MED24: variants seen among roughly 807,000 people sequenced by gnomAD.
The protein encoded by MED24 is mediator of RNA polymerase II transcription subunit 24.
A neutral mutation model predicts 118.8 loss-of-function variants in MED24; 74 were observed. That is an observed-to-expected ratio of 0.62 (90% CI 0.52 to 0.76). MED24 has a LOEUF of 0.76. MED24 is among the 30% of genes least tolerant of loss of function. The probability of loss-of-function intolerance (pLI) is 0.00; values close to 1 mark genes in which losing one functional copy is unlikely to be tolerated. For synonymous variants in MED24, 521 were observed against 523.9 expected (o/e 0.99, Z 0.08); for missense variants, 1,041 against 1,278.9 (o/e 0.81, Z 2.84).
chr17:40,027,367 C>A lies in MED24; in HGVS notation c.1530+16G>T. 5 of 1,609,176 alleles carry A rather than the reference C, an allele frequency of 3.1e-6. No homozygotes were observed. The South Asian group carries it at 5.5e-5, about 18-fold the overall frequency. ...CCTTCCCTTGAGCCCCCGTCCCGGT[C>A]GCTCCCCTCTCTCACCTCTGAACCA... On this transcript the variant is annotated intron_variant, in intron 16 of 25. Coordinates refer to ENST00000394128, the MANE Select transcript of MED24 (RefSeq NM_014815.4).
intron 15 of MED24, 49 bp downstream of exon 15, chr17:40,027,860 A>AC (rs777629143): frequency 1.3e-6 from 2 of 1,592,054 alleles, no homozygotes; most frequent in African/African-American, 2.7e-5. Flanking sequence ...CTCCCGCCAC[A>AC]CCCCTCCTCA....
At chr17:40,026,559 G>T (rs1982673776) in intron 18 of MED24, 88 bp downstream of exon 18, 2 of 1,303,662 alleles carry the variant, frequency 1.5e-6, no homozygotes, top group South Asian at 1.3e-5. Context: ...TGGATTAAAG[G>T]TCTTCTTGCC....
At position 40,019,199 on chromosome 17, in the gene MED24, CACACAT is replaced by C; in HGVS notation, c.*324_*329del. ...AAACACACACACACACACACACACACACACATACACACTTTGCATCTAGAAAGTTCC... is the reference window on the plus strand; with the variant it reads ...AAACACACACACACACACACACACACACACACTTTGCATCTAGAAAGTTCC... On this transcript the variant is annotated 3_prime_UTR_variant, in exon 26 of 26. Coordinates refer to ENST00000394128, the MANE Select transcript of MED24 (RefSeq NM_014815.4). 7 of 292,628 alleles carry C rather than the reference CACACAT, an allele frequency of 2.4e-5. No homozygotes were observed. Among genetic ancestry groups the C allele is most frequent in the African/African-American group, 1.3e-4 (6 of 45,222 alleles). 18.1% of individuals were successfully genotyped at this position (292,628 alleles called of 1,614,324 possible).
At chr17:40,042,173 C>A (rs574923284) in intron 3 of MED24, among the ~76,000 whole-genome samples, 55 of 152,202 alleles carry the variant, frequency 3.6e-4, no homozygotes, top group Non-Finnish European at 6.6e-4. Context: ...CCACAAATGT[C>A]CCTAATTAAT....
chr17:40,053,419 A>G (rs1438416305), intron 2 of MED24, 39 bp from the exon 3 acceptor site: 2 of 1,613,428 alleles, frequency 1.2e-6, no homozygotes, highest in Non-Finnish European at 1.7e-6. Flanking sequence ...AGTGATTACA[A>G]CTTCTCTGGG....
intron 1 of MED24, chr17:40,053,848 C>A (rs1260110794): frequency 1.4e-5 from 9 of 658,312 alleles, no homozygotes; most frequent in Admixed American, 2.9e-5. Context: ...AAGAAAGTAT[C>A]GGCCGAGCGC....
chr17:40,023,721 C>T, intron 19 of MED24: 1 of 271,138 alleles, frequency 3.7e-6, no homozygotes, highest in Non-Finnish European at 7.0e-6. Flanking sequence ...CCCTGCCAAC[C>T]TGCCACATAA....
chr17:40,022,896 C>A, intron 20 of MED24, 70 bp from the exon 21 acceptor site: 1 of 1,548,368 alleles, frequency 6.5e-7, no homozygotes, highest in Non-Finnish European at 8.8e-7. Flanking sequence ...ACCCTGCCAC[C>A]CCAGCATGGC....
rs151012400 is a variant in MED24, at chr17:40,023,160, C to G, written c.2221G>C (p.Val741Leu). Residue 741 changes from valine (V) to leucine (L), a missense_variant, in exon 20 of 26, where the codon GTC becomes CTC. Val to Leu is a conservative substitution (Grantham distance 32). Coordinates refer to ENST00000394128, the MANE Select transcript of MED24 (RefSeq NM_014815.4). Reference sequence around the variant, plus strand: ...ATCAGGTTGTTGCAGAACCAGTAGACGCCGCCCATGTGCAGCAGGGTGTCA... The same window carrying G: ...ATCAGGTTGTTGCAGAACCAGTAGAGGCCGCCCATGTGCAGCAGGGTGTCA... ...IFDTLLHMGGVYWFCNNLIKE... is the reference protein window; with the variant it reads ...IFDTLLHMGGLYWFCNNLIKE... 6.2e-7 allele frequency: 1 copy of G among 1,613,946 alleles called. No homozygotes were observed. The highest frequency in any genetic ancestry group is 1.1e-5 in the South Asian group (1 of 91,088).
chr17:40,031,588 C>T lies in MED24; in HGVS notation c.1017G>A (p.Glu339=), dbSNP rs1396740505. 1 of 1,614,032 alleles carries T rather than the reference C, an allele frequency of 6.2e-7. No individual in the cohort carries two copies. Among genetic ancestry groups the T allele is most frequent in the African/African-American group, 1.3e-5 (1 of 74,922 alleles). Residue 339 remains glutamate (E), a synonymous_variant, in exon 11 of 26, where the codon GAG becomes GAA. Coordinates refer to ENST00000394128, the MANE Select transcript of MED24 (RefSeq NM_014815.4). ...ACAAGGGGGTGAGCTTCAGCAGGAA[C>T]TCAAAAGCACAGTTGACATCCTCAG... The part of the protein sequence containing the change: ...DFTEDVNCAF[E]FLLKLTPLLD...
chr17:40,029,534 C>T (rs1396693804), intron 13 of MED24, among the ~76,000 whole-genome samples: 1 of 152,170 alleles, frequency 6.6e-6, no homozygotes, highest in Non-Finnish European at 1.5e-5. Flanking sequence ...TAAGTGAAAG[C>T]GCCTACTGCA....
intron 3 of MED24, among the ~76,000 whole-genome samples, chr17:40,039,007 T>C (rs1984258516): frequency 1.3e-5 from 2 of 152,194 alleles, no homozygotes; most frequent in South Asian, 4.1e-4. Flanking sequence ...TTATAACTGA[T>C]GTCCCCATAG....
intron 23 of MED24, 185 bp from the exon 24 acceptor site, chr17:40,020,538 A>G (rs1227413902): frequency 7.1e-7 from 1 of 1,413,014 alleles, no homozygotes; most frequent in African/African-American, 1.4e-5. Context: ...CTGTAATCCC[A>G]GCATTTTGGG....
intron 23 of MED24, among the ~76,000 whole-genome samples, chr17:40,021,672 C>T (rs1982025200): frequency 7.5e-6 from 1 of 133,664 alleles, no homozygotes; most frequent in African/African-American, 2.8e-5. Flanking sequence ...TTGTCATCCC[C>T]TCAACCCTGG....
At chr17:40,042,759 T>A (rs977421403) in intron 3 of MED24, among the ~76,000 whole-genome samples, 1 of 152,096 alleles carries the variant, frequency 6.6e-6, no homozygotes, top group Admixed American at 6.6e-5. Context: ...ATTTAAAATT[T>A]AAGATATGAC....
chr17:40,031,681 G>A, intron 10 of MED24, 61 bp from the exon 11 acceptor site: 1 of 1,503,788 alleles, frequency 6.6e-7, no homozygotes, highest in Admixed American at 1.8e-5. Context: ...ATCATCTCAG[G>A]CAACCTTGTC....
intron 12 of MED24, among the ~76,000 whole-genome samples, chr17:40,030,505 AG>A (rs1983228696): frequency 6.6e-6 from 1 of 151,842 alleles, no homozygotes; most frequent in African/African-American, 2.4e-5. Flanking sequence ...CACGTTGGCC[AG>A]GCTGGTCTCA....
Position 40,028,779 on chromosome 17 carries a change from C to T in MED24, c.1409+47G>A, listed in dbSNP as rs544436832. ...CCTACCCTGCTACCTCCTCCCAACGCGCAGCCTCCCTGCACGCCCTGGGGT... is the reference window on the plus strand; with the variant it reads ...CCTACCCTGCTACCTCCTCCCAACGTGCAGCCTCCCTGCACGCCCTGGGGT... On this transcript the variant is annotated intron_variant, in intron 14 of 25. Coordinates refer to ENST00000394128, the MANE Select transcript of MED24 (RefSeq NM_014815.4). 4.4e-6 allele frequency: 7 copies of T among 1,606,134 alleles called. No homozygotes were observed. In the Admixed American group the frequency reaches 6.7e-5, roughly 15 times the overall value.
intron 14 of MED24, chr17:40,028,202 G>A (rs920127375): frequency 1.5e-5 from 6 of 413,636 alleles, no homozygotes; most frequent in East Asian, 5.1e-5. Context: ...TGCAACCTCC[G>A]CCTCTGTTCA....
Sources: allele counts gnomAD v4.1 joint callset (sites outside exome capture counted in the v4.1 genomes callset), GRCh38; gene constraint gnomAD v4.1.1; transcripts MANE v1.5; gene names NCBI Gene and HGNC (gene_info 2026-07-23, HGNC 2026-07-21).